CSMD1: variants seen among roughly 807,000 people sequenced by gnomAD.
CSMD1 encodes the protein CUB and sushi domain-containing protein 1.
In CSMD1, 213 loss-of-function variants were observed where a neutral mutation model predicts 417.5. The observed-to-expected ratio is 0.51, with a 90% CI of 0.46 to 0.57. The LOEUF is 0.57. Among genes scored for constraint, CSMD1 ranks in the 20% least tolerant of loss-of-function variants. The probability of loss-of-function intolerance (pLI) is 0.00; values close to 1 mark genes in which losing one functional copy is unlikely to be tolerated. For missense variants in CSMD1, 6,923 were observed against 4,529.7 expected, an observed-to-expected ratio of 1.53 and a Z score of -15.17; for synonymous variants, 2,862 against 1,736.8, an observed-to-expected ratio of 1.65 and a Z score of -16.11.
intron 3 of CSMD1, among the ~76,000 whole-genome samples, chr8:4,076,073 A>C (rs997777791): frequency 2.6e-5 from 4 of 152,202 alleles, no homozygotes; most frequent in African/African-American, 9.6e-5. Context: ...TCCCCACCCA[A>C]ATCTCATCTT....
intron 3 of CSMD1, among the ~76,000 whole-genome samples, chr8:4,352,031 G>C (rs912440114): frequency 3.3e-5 from 5 of 149,600 alleles, no homozygotes; most frequent in Non-Finnish European, 5.9e-5. Flanking sequence ...GATCGTTTAA[G>C]TTCATTGTGT....
At chr8:3,124,505 G>C (rs1471402554) in intron 41 of CSMD1, among the ~76,000 whole-genome samples, 1 of 152,174 alleles carries the variant, frequency 6.6e-6, no homozygotes, top group Non-Finnish European at 1.5e-5. Context: ...AGAAAGGCAG[G>C]CTTTTCAGCC....
chr8:4,512,818 T>TA (rs34868507), intron 2 of CSMD1, among the ~76,000 whole-genome samples: 2,863 of 146,592 alleles, frequency 0.02, 73 homozygotes, highest in African/African-American at 0.064. Flanking sequence ...TTCATGGATT[T>TA]AAAAAAAAAA....
intron 2 of CSMD1, among the ~76,000 whole-genome samples, chr8:4,504,331 G>A (rs1440839871): frequency 1.3e-5 from 2 of 152,118 alleles, no homozygotes; most frequent in African/African-American, 4.8e-5. Context: ...AAAGGAAAAT[G>A]GAGAATTGCT....
At chr8:3,335,017 G>T (rs1428989633) in intron 23 of CSMD1, among the ~76,000 whole-genome samples, 1 of 152,192 alleles carries the variant, frequency 6.6e-6, no homozygotes, top group East Asian at 1.9e-4. Flanking sequence ...TCTAGGAGAT[G>T]ATACTGTCTC....
At chr8:4,202,969 T>C (rs1168294595) in intron 3 of CSMD1, among the ~76,000 whole-genome samples, 4 of 152,054 alleles carry the variant, frequency 2.6e-5, no homozygotes, top group Admixed American at 2.6e-4. Context: ...AGGAGAACGA[T>C]TACCTCCACC....
chr8:3,514,972 T>G (rs1332500828), intron 10 of CSMD1, among the ~76,000 whole-genome samples: 1 of 152,320 alleles, frequency 6.6e-6, no homozygotes, highest in Middle Eastern at 3.4e-3. Context: ...TATATCAAAG[T>G]GCCTTTTAAA....
At chr8:3,067,078 G>T (rs1336834886) in intron 49 of CSMD1, among the ~76,000 whole-genome samples, 1 of 117,494 alleles carries the variant, frequency 8.5e-6, no homozygotes, top group African/African-American at 2.6e-5. Context: ...GCTAAGCCTG[G>T]GGCCTGGCAC....
At chr8:4,603,612 G>GAAAATA in intron 2 of CSMD1, among the ~76,000 whole-genome samples, 1 of 152,196 alleles carries the variant, frequency 6.6e-6, no homozygotes, top group South Asian at 2.1e-4. Context: ...GCGAAAACAT[G>GAAAATA]AAAATAAAAT....
chr8:3,465,328 G>A (rs1437049467), intron 12 of CSMD1, among the ~76,000 whole-genome samples: 1 of 152,168 alleles, frequency 6.6e-6, no homozygotes, highest in Non-Finnish European at 1.5e-5. Flanking sequence ...TTGAGGGGAT[G>A]GAGGAGAGAG....
intron 3 of CSMD1, among the ~76,000 whole-genome samples, chr8:4,323,068 G>C (rs964021148): frequency 1.3e-5 from 2 of 150,402 alleles, no homozygotes; most frequent in African/African-American, 4.8e-5. Context: ...TACAAATAGA[G>C]AGTTAAGCAG....
intron 3 of CSMD1, among the ~76,000 whole-genome samples, chr8:4,365,004 G>A (rs903869470): frequency 6.6e-6 from 1 of 152,018 alleles, no homozygotes; most frequent in Non-Finnish European, 1.5e-5. Context: ...ATATTCTAAT[G>A]GAACTCAGAT....
rs7387065 is a variant in CSMD1, at chr8:3,045,498, A to T, written c.7660+6964T>A. Among the ~76,000 whole-genome samples the T allele has an allele frequency of 2.0e-5, 3 of 151,894 alleles. No individual in the cohort carries two copies. The East Asian group carries it at 5.8e-4, about 29-fold the overall frequency. On this transcript the variant is annotated intron_variant, in intron 50 of 69. Transcript: ENST00000635120. ...TACATTTACCTGTGAACTGCAAGAG[A>T]CCCCTTATTCCTGATTTTTCCAGAA...
At chr8:4,213,682 G>A (rs754650002) in intron 3 of CSMD1, among the ~76,000 whole-genome samples, 3 of 152,218 alleles carry the variant, frequency 2.0e-5, no homozygotes, top group East Asian at 1.9e-4. Context: ...GCAGCCATGG[G>A]CCCTCCCTGG....
chr8:4,103,588 A>G (rs1448838941), intron 3 of CSMD1, among the ~76,000 whole-genome samples: 3 of 152,038 alleles, frequency 2.0e-5, no homozygotes, highest in Non-Finnish European at 4.4e-5. Flanking sequence ...AAAATGTTGG[A>G]CTCATTCAGA....
intron 1 of CSMD1, among the ~76,000 whole-genome samples, chr8:4,651,548 T>C (rs1803897819): frequency 6.6e-6 from 1 of 152,232 alleles, no homozygotes. Flanking sequence ...AGAGTCATAA[T>C]TTACTATTTT....
chr8:4,800,098 T>C (rs1220826759), intron 1 of CSMD1, among the ~76,000 whole-genome samples: 3 of 152,318 alleles, frequency 2.0e-5, no homozygotes, highest in East Asian at 1.9e-4. Context: ...GTATTTTTTA[T>C]ATAAAGCGTA....
intron 3 of CSMD1, among the ~76,000 whole-genome samples, chr8:4,127,194 G>A (rs1464152732): frequency 2.0e-5 from 3 of 152,098 alleles, no homozygotes; most frequent in South Asian, 2.1e-4. Flanking sequence ...ATCCCTGGAG[G>A]TGGCTGTCCG....
At chr8:4,940,569 G>C (rs751762249) in intron 1 of CSMD1, among the ~76,000 whole-genome samples, 47 of 152,172 alleles carry the variant, frequency 3.1e-4, no homozygotes, top group Non-Finnish European at 6.2e-4. Flanking sequence ...AACTAGCCTC[G>C]TGAAGTTTAG....
Sources: gnomAD v4.1 joint callset for allele counts (sites outside exome capture counted in the v4.1 genomes callset) on GRCh38, gnomAD v4.1.1 for gene constraint, MANE v1.5 for transcripts, NCBI Gene and HGNC (gene_info 2026-07-23, HGNC 2026-07-21) for gene names.